INSYN2B: variants seen among roughly 807,000 people sequenced by gnomAD.
INSYN2B encodes the protein inhibitory synaptic factor family member 2B.
INSYN2B carries 16 observed loss-of-function variants against 41.2 expected under a neutral mutation model. The ratio of observed to expected loss-of-function variants is 0.39; its 90% confidence interval spans 0.26 to 0.59. The LOEUF is 0.59. Among genes scored for constraint, INSYN2B ranks in the 20% least tolerant of loss-of-function variants. The pLI, the probability that INSYN2B is intolerant of heterozygous loss-of-function variation, is 0.57. For synonymous variants in INSYN2B, 245 were observed against 244.4 expected (o/e 1.00, Z -0.02); for missense variants, 608 against 646.4 (o/e 0.94, Z 0.64).
intron 1 of INSYN2B, among the ~76,000 whole-genome samples, chr5:169,926,373 C>A (rs1775457276): frequency 6.6e-6 from 1 of 152,224 alleles, no homozygotes; most frequent in African/African-American, 2.4e-5. Flanking sequence ...TTATCCTCTA[C>A]CTTTTTCAAC....
chr5:169,968,671 T>G (rs1221765859), intron 1 of INSYN2B, among the ~76,000 whole-genome samples: 2 of 152,220 alleles, frequency 1.3e-5, no homozygotes, highest in Non-Finnish European at 2.9e-5. Flanking sequence ...AATCTTCACA[T>G]TTTTCAATTT....
chr5:169,916,647 G>A (rs1774889059), intron 1 of INSYN2B, among the ~76,000 whole-genome samples: 1 of 150,976 alleles, frequency 6.6e-6, no homozygotes, highest in South Asian at 2.1e-4. Context: ...GCACATAGTA[G>A]GTATTAGGTT....
chr5:169,950,937 T>C (rs1006079002), intron 1 of INSYN2B, among the ~76,000 whole-genome samples: 3 of 152,216 alleles, frequency 2.0e-5, no homozygotes, highest in Admixed American at 1.3e-4. Flanking sequence ...CTCAAAATTA[T>C]AAAATTAATT....
chr5:169,973,398 T>C (rs1053013480), intron 1 of INSYN2B, among the ~76,000 whole-genome samples: 3 of 152,186 alleles, frequency 2.0e-5, no homozygotes, highest in African/African-American at 4.8e-5. Flanking sequence ...AGGCTGAGCA[T>C]TGCAAGAAGT....
At chr5:169,917,162 C>T (rs540117417) in intron 1 of INSYN2B, among the ~76,000 whole-genome samples, 1 of 152,312 alleles carries the variant, frequency 6.6e-6, no homozygotes, top group East Asian at 1.9e-4. Flanking sequence ...GGAAAATTCA[C>T]AGCAACCAAT....
chr5:169,922,166 G>A (rs1209312908), intron 1 of INSYN2B, among the ~76,000 whole-genome samples: 1 of 152,164 alleles, frequency 6.6e-6, no homozygotes, highest in African/African-American at 2.4e-5. Context: ...GCATAGCTAG[G>A]GTGCAGCTTT....
chr5:169,942,308 T>C (rs1776274136), intron 1 of INSYN2B, among the ~76,000 whole-genome samples: 1 of 152,196 alleles, frequency 6.6e-6, no homozygotes, highest in Admixed American at 6.5e-5. Flanking sequence ...AATCATGAAG[T>C]GGATCCATGC....
intron 1 of INSYN2B, among the ~76,000 whole-genome samples, chr5:169,960,180 C>T (rs964698914): frequency 2.0e-5 from 3 of 152,182 alleles, no homozygotes; most frequent in Admixed American, 6.5e-5. Context: ...TGATAAATTT[C>T]CACCAGTGTA....
Position 169,866,225 on chromosome 5 carries a change from C to T in INSYN2B, c.1422-1766G>A, listed in dbSNP as rs529665597. Among the ~76,000 whole-genome samples, 8 of 152,326 alleles carry T rather than the reference C, an allele frequency of 5.3e-5. No individual in the cohort carries two copies. In the East Asian group the frequency reaches 7.7e-4, roughly 15 times the overall value. On this transcript the variant is annotated intron_variant, in intron 3 of 3. Coordinates refer to ENST00000377365, the MANE Select transcript of INSYN2B (RefSeq NM_001129891.3). ...CTTCTCCTCCACTTACATGCCTTCT[C>T]TTTCTGTTCTCTCTGGCCCTCTCTA...
chr5:169,899,142 G>A (rs1773780293), intron 1 of INSYN2B, among the ~76,000 whole-genome samples: 1 of 152,196 alleles, frequency 6.6e-6, no homozygotes, highest in South Asian at 2.1e-4. Flanking sequence ...ATGGTGCCAG[G>A]CATCTAGTAA....
intron 1 of INSYN2B, among the ~76,000 whole-genome samples, chr5:169,954,133 A>G (rs1419533291): frequency 6.6e-6 from 1 of 152,216 alleles, no homozygotes; most frequent in African/African-American, 2.4e-5. Flanking sequence ...ATTTCACATT[A>G]ATTATTATTG....
Position 169,903,873 on chromosome 5 carries a change from G to A in INSYN2B, c.-918-19057C>T, listed in dbSNP as rs576667750. ...CCAGCACTTTGGGAGGCCGAGGCAG[G>A]TGAATCACCTGAGGTCAGGAGTTCG... On this transcript the variant is annotated intron_variant, in intron 1 of 3. Transcript: ENST00000377365. Among the ~76,000 whole-genome samples, 394 of 152,060 alleles carry A rather than the reference G, an allele frequency of 2.6e-3. 5 individuals carry two copies. The highest frequency in any genetic ancestry group is 5.7e-4 in the Non-Finnish European group (39 of 67,990).
chr5:169,949,042 G>A lies in INSYN2B; in HGVS notation c.-919+31235C>T, dbSNP rs369226908. On this transcript the variant is annotated intron_variant, in intron 1 of 3. Transcript: ENST00000377365. ...GTCCTCCCAACCTTAGAATCACCAC[G>A]TTCCCTGATATGAAGGATGATTATT... Among the ~76,000 whole-genome samples, 31 of 152,240 alleles carry A rather than the reference G, an allele frequency of 2.0e-4. No individual in the cohort carries two copies. In the East Asian group the frequency reaches 2.7e-3, roughly 13 times the overall value.
At chr5:169,978,403 G>A (rs1413795467) in intron 1 of INSYN2B, among the ~76,000 whole-genome samples, 1 of 133,482 alleles carries the variant, frequency 7.5e-6, no homozygotes, top group Non-Finnish European at 1.6e-5. Context: ...GGGGGGGGGG[G>A]GGTGTAGGTG....
chr5:169,864,341 C>A lies in INSYN2B; in HGVS notation c.1540G>T (p.Ala514Ser). 9.0e-6 allele frequency: 14 copies of A among 1,551,600 alleles called. No individual in the cohort carries two copies. The highest frequency in any genetic ancestry group is 1.2e-5 in the Non-Finnish European group (14 of 1,146,954). Residue 514 changes from alanine (A) to serine (S), a missense_variant, in exon 4 of 4, where the codon GCC becomes TCC. Coordinates refer to ENST00000377365, the MANE Select transcript of INSYN2B (RefSeq NM_001129891.3). ...CGCCTTAAGTCCTGCTTTTCCGGGGCTGGGGGTTCTGCTGGGGACTTTGGT... is the reference window on the plus strand; with the variant it reads ...CGCCTTAAGTCCTGCTTTTCCGGGGATGGGGGTTCTGCTGGGGACTTTGGT... ...PPPKSPAEPP[A>S]PEKQDLRRKT...
At chr5:169,926,576 C>T (rs1775473283) in intron 1 of INSYN2B, among the ~76,000 whole-genome samples, 1 of 152,118 alleles carries the variant, frequency 6.6e-6, no homozygotes. Context: ...AGTGATGTGG[C>T]ACATCAGCTC....
intron 1 of INSYN2B, among the ~76,000 whole-genome samples, chr5:169,964,024 G>T (rs1050500710): frequency 1.3e-5 from 2 of 152,100 alleles, no homozygotes; most frequent in South Asian, 2.1e-4. Flanking sequence ...TGGCAGGATT[G>T]GGGGAGGGAG....
intron 3 of INSYN2B, among the ~76,000 whole-genome samples, chr5:169,873,423 A>C (rs759321625): frequency 2.0e-5 from 3 of 152,252 alleles, no homozygotes; most frequent in Non-Finnish European, 2.9e-5. Context: ...TTCACGGCCC[A>C]GCATTTGAAA....
At chr5:169,911,629 A>G (rs1253919551) in intron 1 of INSYN2B, among the ~76,000 whole-genome samples, 1 of 152,210 alleles carries the variant, frequency 6.6e-6, no homozygotes, top group Non-Finnish European at 1.5e-5. Context: ...CAATACTCAT[A>G]TTCAATTCTT....
Sources: allele counts gnomAD v4.1 joint callset (sites outside exome capture counted in the v4.1 genomes callset), GRCh38; gene constraint gnomAD v4.1.1; transcripts MANE v1.5; gene names NCBI Gene and HGNC (gene_info 2026-07-23, HGNC 2026-07-21).